Variants in GRIA1 observed in about 807,000 individuals in gnomAD.
GRIA1 encodes glutamate ionotropic receptor AMPA type subunit 1.
Under a neutral mutation model 99.2 loss-of-function variants are expected in GRIA1, and 31 were observed. The observed-to-expected ratio is 0.31, with a 90% CI of 0.23 to 0.42. GRIA1 has a LOEUF of 0.42. GRIA1 is among the 10% of genes least tolerant of loss of function. GRIA1 has a pLI of 1.00. For missense variants in GRIA1, 782 were observed against 1,157.5 expected (o/e 0.68, Z 4.71); for synonymous variants, 438 against 432.4 (o/e 1.01, Z -0.16).
At chr5:153,763,076 G>A (rs138966941) in intron 11 of GRIA1, among the ~76,000 whole-genome samples, 3 of 152,118 alleles carry the variant, frequency 2.0e-5, no homozygotes, top group East Asian at 1.9e-4. Context: ...TTTCCCCTCC[G>A]TGTGAAACGC....
At chr5:153,503,055 A>G (rs1346070793) in intron 2 of GRIA1, among the ~76,000 whole-genome samples, 1 of 152,208 alleles carries the variant, frequency 6.6e-6, no homozygotes, top group East Asian at 1.9e-4. Flanking sequence ...TAATGGTTTC[A>G]TAAAAGCCCA....
intron 12 of GRIA1, among the ~76,000 whole-genome samples, chr5:153,766,852 A>G (rs1459802139): frequency 6.6e-6 from 1 of 152,204 alleles, no homozygotes; most frequent in African/African-American, 2.4e-5. Flanking sequence ...GTTAATCACT[A>G]CGTCAGTTGA....
chr5:153,801,658 T>G (rs1389479040), intron 14 of GRIA1, among the ~76,000 whole-genome samples: 1 of 152,268 alleles, frequency 6.6e-6, no homozygotes, highest in East Asian at 1.9e-4. Flanking sequence ...AACAGAAAAA[T>G]GATATCAATT....
chr5:153,677,206 G>T (rs1756652902), intron 7 of GRIA1, 45 bp downstream of exon 7: 2 of 1,337,374 alleles, frequency 1.5e-6, no homozygotes, highest in Non-Finnish European at 1.9e-6. Context: ...GCCTACTGGG[G>T]GATTTCAGCA....
intron 2 of GRIA1, among the ~76,000 whole-genome samples, chr5:153,560,599 C>T (rs1761035876): frequency 6.6e-6 from 1 of 152,204 alleles, no homozygotes; most frequent in Non-Finnish European, 1.5e-5. Flanking sequence ...TTGCCTGCCA[C>T]CATGTAAGAA....
At chr5:153,549,242 G>A (rs1227965287) in intron 2 of GRIA1, among the ~76,000 whole-genome samples, 6 of 152,068 alleles carry the variant, frequency 3.9e-5, no homozygotes, top group Admixed American at 3.3e-4. Context: ...GCCAGGCATG[G>A]CCAACACTTT....
At chr5:153,675,907 A>G (rs1756536914) in intron 6 of GRIA1, among the ~76,000 whole-genome samples, 1 of 149,268 alleles carries the variant, frequency 6.7e-6, no homozygotes, top group African/African-American at 2.5e-5. Flanking sequence ...CCCAGGCTGG[A>G]GTGCAGTGGC....
At chr5:153,688,588 C>T (rs1313004907) in intron 8 of GRIA1, among the ~76,000 whole-genome samples, 1 of 152,214 alleles carries the variant, frequency 6.6e-6, no homozygotes, top group Non-Finnish European at 1.5e-5. Context: ...TAGCACACGG[C>T]TGAAATCTGG....
chr5:153,594,802 C>T (rs111514220), intron 2 of GRIA1, among the ~76,000 whole-genome samples: 5,546 of 151,686 alleles, frequency 0.037, 353 homozygotes, highest in African/African-American at 0.13. Flanking sequence ...AGAGTCCACC[C>T]CCAGTCTTCT....
At chr5:153,537,902 G>C (rs564373900) in intron 2 of GRIA1, among the ~76,000 whole-genome samples, 53 of 152,286 alleles carry the variant, frequency 3.5e-4, no homozygotes, top group African/African-American at 1.1e-3. Context: ...TCAGCCAACA[G>C]CTTGTGCTCT....
chr5:153,698,272 G>A (rs558869468), intron 9 of GRIA1, 118 bp downstream of exon 9: 3 of 538,718 alleles, frequency 5.6e-6, no homozygotes, highest in East Asian at 5.9e-5. Flanking sequence ...ATAGATAAAA[G>A]CAGCAAGTCG....
chr5:153,587,249 C>G (rs187633326), intron 2 of GRIA1, among the ~76,000 whole-genome samples: 3 of 152,096 alleles, frequency 2.0e-5, no homozygotes, highest in Non-Finnish European at 4.4e-5. Context: ...TAAAATGTGG[C>G]ACCTCCCCCA....
At chr5:153,615,693 G>A (rs1766432181) in intron 2 of GRIA1, among the ~76,000 whole-genome samples, 2 of 152,268 alleles carry the variant, frequency 1.3e-5, no homozygotes, top group African/African-American at 2.4e-5. Flanking sequence ...CACCATCACT[G>A]GGGAGTTGCT....
At chr5:153,780,777 C>T (rs1468627289) in intron 13 of GRIA1, among the ~76,000 whole-genome samples, 4 of 152,270 alleles carry the variant, frequency 2.6e-5, no homozygotes, top group Admixed American at 6.5e-5. Context: ...CCTTCCCTTT[C>T]GGCCCTCCAC....
intron 11 of GRIA1, among the ~76,000 whole-genome samples, chr5:153,746,465 G>T (rs576075633): frequency 1.3e-5 from 2 of 152,230 alleles, no homozygotes; most frequent in South Asian, 4.2e-4. Flanking sequence ...ATGGGTCGGG[G>T]TATATTTTTA....
At chr5:153,639,477 G>T (rs1291835595) in intron 2 of GRIA1, among the ~76,000 whole-genome samples, 1 of 152,110 alleles carries the variant, frequency 6.6e-6, no homozygotes, top group East Asian at 1.9e-4. Context: ...GCCTGAGACT[G>T]CTTCTTTAGC....
intron 2 of GRIA1, among the ~76,000 whole-genome samples, chr5:153,626,284 T>A (rs1767595881): frequency 6.6e-6 from 1 of 152,012 alleles, no homozygotes; most frequent in Non-Finnish European, 1.5e-5. Flanking sequence ...GTGGGACATA[T>A]TTAGGGCAGA....
At chr5:153,536,011 A>G (rs1581192049) in intron 2 of GRIA1, among the ~76,000 whole-genome samples, 1 of 152,142 alleles carries the variant, frequency 6.6e-6, no homozygotes, top group Admixed American at 6.5e-5. Flanking sequence ...TCGTCCTTTT[A>G]AAACAAATCA....
chr5:153,543,486 A>G (rs998166812), intron 2 of GRIA1, among the ~76,000 whole-genome samples: 1 of 152,220 alleles, frequency 6.6e-6, no homozygotes, highest in African/African-American at 2.4e-5. Flanking sequence ...GAGAGCCTAC[A>G]TTTAGTAAAC....
Sources: gnomAD v4.1 joint callset for allele counts (sites outside exome capture counted in the v4.1 genomes callset) on GRCh38, gnomAD v4.1.1 for gene constraint, MANE v1.5 for transcripts, NCBI Gene and HGNC (gene_info 2026-07-23, HGNC 2026-07-21) for gene names.